ALKAL2: variants seen among roughly 807,000 people sequenced by gnomAD.
The protein encoded by ALKAL2 is ALK and LTK ligand 2.
Under a neutral mutation model 18.5 loss-of-function variants are expected in ALKAL2, and 8 were observed. The observed-to-expected ratio is 0.43, with a 90% CI of 0.25 to 0.78. ALKAL2 has a LOEUF of 0.78. Ranked by LOEUF, ALKAL2 falls within the 30% of genes least tolerant of loss-of-function variation. The pLI, the probability that ALKAL2 is intolerant of heterozygous loss-of-function variation, is 0.22. For synonymous variants in ALKAL2, 135 were observed against 95.8 expected (o/e 1.41, Z -2.39); for missense variants, 241 against 211.2 (o/e 1.14, Z -0.88).
Position 280,075 on chromosome 2 carries a change from A to T in ALKAL2, c.*72T>A, listed in dbSNP as rs895624756. On this transcript the variant is annotated 3_prime_UTR_variant, in exon 6 of 6. Transcript: ENST00000403610. ...TGTCCATGAGGGGATGTGTATAAAG[A>T]TAGTTCTGTTTCCCTGTTGGTTTCC... The T allele has an allele frequency of 1.2e-5, 18 of 1,562,624 alleles. No individual in the cohort carries two copies. The African/African-American group carries it at 1.6e-4, about 14-fold the overall frequency.
rs1352341668 is a variant in ALKAL2 at position 280,119 on chromosome 2, C to G, written c.*28G>C. On this transcript the variant is annotated 3_prime_UTR_variant, in exon 6 of 6. Coordinates refer to ENST00000403610, the MANE Select transcript of ALKAL2 (RefSeq NM_001002919.3). ...GGTTTCCAAGGCACTTCTCATGGCT[C>G]CTGGTGTGCTGCTCCTGTACGGTCT... 13 of 1,613,760 alleles carry G rather than the reference C, an allele frequency of 8.1e-6. No homozygotes were observed. The highest frequency in any genetic ancestry group is 1.0e-5 in the Non-Finnish European group (12 of 1,179,796).
intron 5 of ALKAL2, among the ~76,000 whole-genome samples, chr2:282,650 T>C (rs571537720): frequency 6.6e-6 from 1 of 152,216 alleles, no homozygotes; most frequent in South Asian, 2.1e-4. Flanking sequence ...AAACCATTGA[T>C]AGAAACATTT....
At position 286,299 on chromosome 2, in the gene ALKAL2, G is replaced by T; in HGVS notation, c.298C>A (p.His100Asn). 6.2e-7 allele frequency: 1 copy of T among 1,612,470 alleles called. No individual in the cohort carries two copies. The highest frequency in any genetic ancestry group is 8.5e-7 in the Non-Finnish European group (1 of 1,179,124). Residue 100 changes from histidine (H) to asparagine (N), a missense_variant, in exon 3 of 6, where the codon CAC becomes AAC. Transcript: ENST00000403610. ...CGAGGAGAAAACTTACCTGTAAGGT[G>T]TTTTAGAAACTTGTCCTTCATCCTC... Reference protein sequence around the residue: ...DLRMKDKFLKHLTGPLYFSPK... With the variant: ...DLRMKDKFLKNLTGPLYFSPK...
At position 286,210 on chromosome 2, in the gene ALKAL2, C is replaced by T. The variant is rs533634680; in HGVS notation, c.308-7G>A. On this transcript the variant is annotated splice_polypyrimidine_tract_variant and splice_region_variant and intron_variant, in intron 3 of 5. Transcript: ENST00000403610. ...GGACTAAAATAAAGAGGGCCTGGAA[C>T]ACGGAAGAAGAAACAGATCATGAAG... 1.2e-6 allele frequency: 2 copies of T among 1,613,684 alleles called. No individual in the cohort carries two copies. Among genetic ancestry groups the T allele is most frequent in the South Asian group, 1.1e-5 (1 of 91,044 alleles).
chr2:287,671 C>A lies in ALKAL2; in HGVS notation c.165G>T (p.Glu55Asp). Residue 55 changes from glutamate to aspartate, a missense_variant, in exon 2 of 6, where the codon GAG (glutamate) becomes GAT (aspartate). Coordinates refer to ENST00000403610, the MANE Select transcript of ALKAL2 (RefSeq NM_001002919.3). ...GCCCGAGGAGCTGCAGGCCCTTGTG[C>A]TCCGCCGAGTGGTGCTTCCGCAGCT... ...VQELRKHHSAEHKGLQLLGRD... is the reference protein window; with the variant it reads ...VQELRKHHSADHKGLQLLGRD... 6.7e-7 allele frequency: 1 copy of A among 1,484,694 alleles called. No homozygotes were observed. Among genetic ancestry groups the A allele is most frequent in the Non-Finnish European group, 8.9e-7 (1 of 1,123,982 alleles). The allele number at this position is 1,484,694 out of a possible 1,614,324, so 92.0% of individuals were successfully genotyped here.
At position 288,037 on chromosome 2, in the gene ALKAL2, C is replaced by G; in HGVS notation, c.-82G>C. 1 of 1,218,892 alleles carries G rather than the reference C, an allele frequency of 8.2e-7. No homozygotes were observed. 75.5% of individuals were successfully genotyped at this position (1,218,892 alleles called of 1,614,324 possible). On this transcript the variant is annotated 5_prime_UTR_variant, in exon 1 of 6. Coordinates refer to ENST00000403610, the MANE Select transcript of ALKAL2 (RefSeq NM_001002919.3). Reference sequence around the variant, plus strand: ...CCTCCGCGGACCCCGAGGAACAAGCCGGCAGGTGAGGGAGCCGCGGTCTCC... The same window carrying G: ...CCTCCGCGGACCCCGAGGAACAAGCGGGCAGGTGAGGGAGCCGCGGTCTCC...
chr2:280,223 C>T, intron 5 of ALKAL2, 71 bp from the exon 6 acceptor site: 6 of 1,555,398 alleles, frequency 3.9e-6, no homozygotes, highest in Non-Finnish European at 5.3e-6. Context: ...AGACCTGTCA[C>T]TTCAGTTAGG....
At position 287,635 on chromosome 2, in the gene ALKAL2, G is replaced by A. The variant is rs769642370; in HGVS notation, c.201C>T (p.Ala67=). Residue 67 remains alanine, a synonymous_variant, in exon 2 of 6, where the codon GCC becomes GCT. Coordinates refer to ENST00000403610, the MANE Select transcript of ALKAL2 (RefSeq NM_001002919.3). ...KGLQLLGRDC[A]LGRAEAAGLG... The stretch of plus-strand genomic sequence containing the variant: ...GCCCCGCCGCCTCCGCGCGGCCCAG[G>A]GCGCAGTCCCGCCCGAGGAGCTGCA... 2 of 1,480,586 alleles carry A rather than the reference G, an allele frequency of 1.4e-6. No homozygotes were observed. The highest frequency in any genetic ancestry group is 2.6e-5 in the South Asian group (2 of 78,294). 91.7% of individuals were successfully genotyped at this position (1,480,586 alleles called of 1,614,324 possible).
chr2:280,135 T>G lies in ALKAL2; in HGVS notation c.*12A>C, dbSNP rs1670287270. 1 of 1,614,006 alleles carries G rather than the reference T, an allele frequency of 6.2e-7. No individual in the cohort carries two copies. The highest frequency in any genetic ancestry group is 1.7e-5 in the Admixed American group (1 of 60,022). On this transcript the variant is annotated 3_prime_UTR_variant, in exon 6 of 6. Coordinates refer to ENST00000403610, the MANE Select transcript of ALKAL2 (RefSeq NM_001002919.3). ...CTCATGGCTCCTGGTGTGCTGCTCCTGTACGGTCTGCTCACTGCTGAAAAC... is the reference window on the plus strand; with the variant it reads ...CTCATGGCTCCTGGTGTGCTGCTCCGGTACGGTCTGCTCACTGCTGAAAAC...
chr2:280,143 C>T lies in ALKAL2; in HGVS notation c.*4G>A, dbSNP rs1207693445. ...TCCTGGTGTGCTGCTCCTGTACGGT[C>T]TGCTCACTGCTGAAAACAAATACAT... On this transcript the variant is annotated 3_prime_UTR_variant, in exon 6 of 6. Coordinates refer to ENST00000403610, the MANE Select transcript of ALKAL2 (RefSeq NM_001002919.3). 6.2e-7 allele frequency: 1 copy of T among 1,613,836 alleles called. No individual in the cohort carries two copies. The highest frequency in any genetic ancestry group is 8.5e-7 in the Non-Finnish European group (1 of 1,179,880).
At chr2:284,563 C>T (rs112687535) in intron 4 of ALKAL2, among the ~76,000 whole-genome samples, 4 of 152,196 alleles carry the variant, frequency 2.6e-5, no homozygotes, top group African/African-American at 9.6e-5. Context: ...AGCCTTCTCC[C>T]TCTCCATGGC....
Position 287,777 on chromosome 2 carries a change from C to T in ALKAL2, c.59G>A (p.Gly20Glu). The T allele has an allele frequency of 2.1e-6, 3 of 1,405,262 alleles. No individual in the cohort carries two copies. Among genetic ancestry groups the T allele is most frequent in the Non-Finnish European group, 2.8e-6 (3 of 1,084,934 alleles). 87.0% of individuals were successfully genotyped at this position (1,405,262 alleles called of 1,614,324 possible). A position where few individuals can be genotyped will look rare whatever the true frequency, so the allele number is the denominator to read the frequency against. Residue 20 changes from glycine (G) to glutamate (E), a missense_variant, in exon 2 of 6, where the codon GGG (glycine) becomes GAG (glutamate). Physicochemically the swap from Gly to Glu is moderately conservative, Grantham distance 98. Transcript: ENST00000403610. ...LGLLLVLGAAGRGRGGAEPRE... is the reference protein window; with the variant it reads ...LGLLLVLGAAERGRGGAEPRE... ...GGGCTCCGCGCCCCCCCGGCCGCGC[C>T]CCGCCGCCCCCAGCACCAGCAGCAG...
At chr2:283,202 G>A (rs769875369) in intron 4 of ALKAL2, 27 bp from the exon 5 acceptor site, 1 of 1,592,840 alleles carries the variant, frequency 6.3e-7, no homozygotes, top group South Asian at 1.1e-5. Flanking sequence ...TCAGACTCTT[G>A]TCAGTTACTT....
At chr2:287,078 C>T (rs762175934) in intron 2 of ALKAL2, 1 of 152,568 alleles carries the variant, frequency 6.6e-6, no homozygotes, top group East Asian at 1.9e-4. Flanking sequence ...GTCACGCCCT[C>T]TGAAGAGGAG....
At position 286,149 on chromosome 2, in the gene ALKAL2, T is replaced by C; in HGVS notation, c.362A>G (p.Asn121Ser). The C allele has an allele frequency of 6.2e-7, 1 of 1,613,920 alleles. No individual in the cohort carries two copies. Among genetic ancestry groups the C allele is most frequent in the Non-Finnish European group, 8.5e-7 (1 of 1,179,826 alleles). Residue 121 changes from asparagine to serine, a missense_variant, in exon 4 of 6, where the codon AAC (asparagine) becomes AGC (serine). Physicochemically the swap from Asn to Ser is conservative, Grantham distance 46. Coordinates refer to ENST00000403610, the MANE Select transcript of ALKAL2 (RefSeq NM_001002919.3). ...TGCAGGAATGGTGCAGTCTCTGGTG[T>C]TGTGATAAAGTCTATGGAAGTGTTT... ...CSKHFHRLYHNTRDCTIPAYY... is the reference protein window; with the variant it reads ...CSKHFHRLYHSTRDCTIPAYY...
At chr2:284,964 A>G (rs2103083559) in intron 4 of ALKAL2, among the ~76,000 whole-genome samples, 1 of 152,336 alleles carries the variant, frequency 6.6e-6, no homozygotes, top group Middle Eastern at 3.4e-3. Context: ...TGCCAGGTGC[A>G]CATGGAAGGG....
Position 288,001 on chromosome 2 carries a change from C to G in ALKAL2, c.-58+12G>C, listed in dbSNP as rs893143944. 23 of 1,232,176 alleles carry G rather than the reference C, an allele frequency of 1.9e-5. No individual in the cohort carries two copies. Among genetic ancestry groups the G allele is most frequent in the Non-Finnish European group, 2.1e-5 (21 of 989,762 alleles). The allele number at this position is 1,232,176 out of a possible 1,614,324, so 76.3% of individuals were successfully genotyped here. On this transcript the variant is annotated intron_variant, in intron 1 of 5. Coordinates refer to ENST00000403610, the MANE Select transcript of ALKAL2 (RefSeq NM_001002919.3). ...GCGGGAGGAGCCGCTGGCGCTGGAC[C>G]CGGCCCCTCACCTCCGCGGACCCCG...
chr2:286,906 G>C (rs538299184), intron 2 of ALKAL2: 2 of 152,410 alleles, frequency 1.3e-5, no homozygotes, highest in South Asian at 4.1e-4. Flanking sequence ...GAAAGACTCT[G>C]CCAAGCAAAC....
intron 5 of ALKAL2, among the ~76,000 whole-genome samples, chr2:282,758 CACTT>C (rs1328346578): frequency 2.0e-5 from 3 of 152,322 alleles, no homozygotes; most frequent in South Asian, 2.1e-4. Flanking sequence ...GTCATCTACT[CACTT>C]GTGTTAGTGA....
Sources: allele counts gnomAD v4.1 joint callset (sites outside exome capture counted in the v4.1 genomes callset), GRCh38; gene constraint gnomAD v4.1.1; transcripts MANE v1.5; gene names NCBI Gene and HGNC (gene_info 2026-07-23, HGNC 2026-07-21).